OR2L13: variants seen among roughly 807,000 people sequenced by gnomAD.
OR2L13 encodes olfactory receptor 2L13.
A neutral mutation model predicts 15.3 loss-of-function variants in OR2L13; 14 were observed. The observed-to-expected ratio is 0.91, with a 90% CI of 0.60 to 1.43. The LOEUF (loss-of-function observed/expected upper bound fraction) is 1.43. OR2L13 is among the 40% of genes most tolerant of loss of function. The probability of loss-of-function intolerance (pLI) is 0.00; values close to 1 mark genes in which losing one functional copy is unlikely to be tolerated. For synonymous variants in OR2L13, 152 were observed against 142.9 expected (o/e 1.06, Z -0.45); for missense variants, 367 against 387.9 (o/e 0.95, Z 0.45).
At chr1:247,941,261 G>A in the OR2L13 span, among the ~76,000 whole-genome samples, 2 of 152,074 alleles carry the variant, frequency 1.3e-5, no homozygotes, top group East Asian at 3.9e-4. Context: ...GTTAGGTCCT[G>A]CTCATCAATT....
At chr1:247,967,435 C>G in the OR2L13 span, among the ~76,000 whole-genome samples, 1 of 152,030 alleles carries the variant, frequency 6.6e-6, no homozygotes, top group Non-Finnish European at 1.5e-5. Flanking sequence ...CACCATGTTG[C>G]TCAGGCTGGT....
At chr1:248,083,983 G>T in the OR2L13 span, 4 of 1,611,544 alleles carry the variant, frequency 2.5e-6, no homozygotes, top group Non-Finnish European at 3.4e-6. Flanking sequence ...GGGACCAGGA[G>T]CATTAACACA....
chr1:247,996,412 A>C, the OR2L13 span, among the ~76,000 whole-genome samples: 1 of 152,256 alleles, frequency 6.6e-6, no homozygotes. Flanking sequence ...AATGCACTGA[A>C]CACAGACATC....
chr1:247,959,943 G>A, the OR2L13 span, among the ~76,000 whole-genome samples: 5,723 of 45,362 alleles, frequency 0.13, 122 homozygotes, highest in Non-Finnish European at 0.34. Flanking sequence ...CTCTCAACTC[G>A]TCAGTCATTC....
At chr1:248,000,697 T>C in the OR2L13 span, among the ~76,000 whole-genome samples, 13 of 152,128 alleles carry the variant, frequency 8.5e-5, no homozygotes, top group South Asian at 2.1e-4. Flanking sequence ...AACTTTTACA[T>C]TGGGAACAAG....
chr1:248,068,028 G>C, the OR2L13 span, among the ~76,000 whole-genome samples: 1 of 152,222 alleles, frequency 6.6e-6, no homozygotes, highest in Non-Finnish European at 1.5e-5. Flanking sequence ...ACAGCTCAAG[G>C]AGGCCTGCTT....
chr1:248,059,247 C>A, the OR2L13 span, among the ~76,000 whole-genome samples: 1 of 152,062 alleles, frequency 6.6e-6, no homozygotes, highest in South Asian at 2.1e-4. Context: ...AATATTTAAG[C>A]CTAAAAAACT....
the OR2L13 span, chr1:247,948,800 A>G: frequency 5.6e-6 from 8 of 1,437,100 alleles, no homozygotes; most frequent in Admixed American, 1.6e-4. Flanking sequence ...ATAAGGGCGA[A>G]TTACTGTACG....
At chr1:247,972,768 T>G in the OR2L13 span, among the ~76,000 whole-genome samples, 1 of 152,196 alleles carries the variant, frequency 6.6e-6, no homozygotes, top group Non-Finnish European at 1.5e-5. Flanking sequence ...CCTCCTTAAC[T>G]CATTTTATGA....
chr1:247,948,797 C>A, the OR2L13 span: 1 of 1,407,944 alleles, frequency 7.1e-7, no homozygotes, highest in Non-Finnish European at 9.8e-7. Flanking sequence ...CAGATAAGGG[C>A]GAATTACTGT....
the OR2L13 span, among the ~76,000 whole-genome samples, chr1:247,969,292 G>A: frequency 1.3e-3 from 200 of 152,222 alleles, 1 homozygote; most frequent in African/African-American, 4.7e-3. Flanking sequence ...CATTCTGTAG[G>A]TTGCCTGTTC....
At chr1:248,080,944 C>T in the OR2L13 span, among the ~76,000 whole-genome samples, 9 of 152,118 alleles carry the variant, frequency 5.9e-5, no homozygotes, top group Non-Finnish European at 7.4e-5. Flanking sequence ...ACTCCTCATT[C>T]GAAATTTTGT....
At chr1:247,970,910 A>G in the OR2L13 span, among the ~76,000 whole-genome samples, 2 of 152,318 alleles carry the variant, frequency 1.3e-5, no homozygotes, top group African/African-American at 4.8e-5. Flanking sequence ...CCTTTCTGAA[A>G]GAACCATTCT....
the OR2L13 span, among the ~76,000 whole-genome samples, chr1:248,004,619 G>T: frequency 6.6e-6 from 1 of 152,154 alleles, no homozygotes; most frequent in Non-Finnish European, 1.5e-5. Flanking sequence ...ACGCTGGATG[G>T]CCTATGACAA....
At chr1:248,060,395 G>A in the OR2L13 span, among the ~76,000 whole-genome samples, 1 of 152,186 alleles carries the variant, frequency 6.6e-6, no homozygotes, top group Admixed American at 6.6e-5. Context: ...CATTTTGAGA[G>A]AGAAAGATAG....
the OR2L13 span, chr1:248,062,262 A>G: frequency 2.0e-5 from 3 of 152,258 alleles, no homozygotes; most frequent in Non-Finnish European, 4.4e-5. Flanking sequence ...TTAGATCAAC[A>G]AAAGGACTGG....
chr1:247,965,809 G>C, the OR2L13 span: 4 of 1,609,258 alleles, frequency 2.5e-6, no homozygotes, highest in African/African-American at 5.3e-5. Context: ...CTGCCTCATG[G>C]TTGCATGTGC....
At chr1:248,006,615 C>G in the OR2L13 span, among the ~76,000 whole-genome samples, 2 of 152,146 alleles carry the variant, frequency 1.3e-5, no homozygotes, top group African/African-American at 4.8e-5. Context: ...TGTTTGTATA[C>G]TCCCCAAATC....
chr1:248,022,735 C>A, the OR2L13 span: 17 of 1,614,106 alleles, frequency 1.1e-5, no homozygotes, highest in Non-Finnish European at 1.4e-5. Flanking sequence ...TGTCCAAGAT[C>A]CCTGCGATCT....
Sources: gnomAD v4.1 joint callset for allele counts (sites outside exome capture counted in the v4.1 genomes callset) on GRCh38, gnomAD v4.1.1 for gene constraint, MANE v1.5 for transcripts, NCBI Gene and HGNC (gene_info 2026-07-23, HGNC 2026-07-21) for gene names.